PBLD: variants seen among roughly 807,000 people sequenced by gnomAD.
PBLD encodes the protein phenazine biosynthesis-like domain-containing protein.
In PBLD, 26 loss-of-function variants were observed where a neutral mutation model predicts 31.3. That is an observed-to-expected ratio of 0.83 (90% CI 0.61 to 1.15). PBLD has a LOEUF of 1.15. Ranked by LOEUF, PBLD falls within the 50% of genes most tolerant of loss-of-function variation. The probability of loss-of-function intolerance (pLI) is 0.00; values close to 1 mark genes in which losing one functional copy is unlikely to be tolerated. For synonymous variants in PBLD, 114 were observed against 129.0 expected (o/e 0.88, Z 0.79); for missense variants, 307 against 351.7 (o/e 0.87, Z 1.02).
At chr10:68,306,489 GGCTAAAAGGGAGCTCTA>G (rs1157286266) in intron 2 of PBLD, among the ~76,000 whole-genome samples, 2 of 152,162 alleles carry the variant, frequency 1.3e-5, no homozygotes, top group Admixed American at 1.3e-4. Context: ...AAAACCTGAT[GGCTAAAAGGGAGCTCTA>G]GCTCTTCTTT....
rs552369932 is a variant in PBLD at position 68,284,390 on chromosome 10, A to C, written c.755-101T>G. The C allele has an allele frequency of 7.1e-6, 7 of 981,370 alleles. No individual in the cohort carries two copies. The South Asian group carries it at 1.1e-4, about 15-fold the overall frequency. 60.8% of individuals were successfully genotyped at this position (981,370 alleles called of 1,614,324 possible). ...ACAAATCTTAGAGTCCTCCCAGATCAGTTTCAAGAATAAATTCCTTCGTCT... is the reference window on the plus strand; with the variant it reads ...ACAAATCTTAGAGTCCTCCCAGATCCGTTTCAAGAATAAATTCCTTCGTCT... On this transcript the variant is annotated intron_variant, in intron 9 of 9. Transcript: ENST00000358769.
intron 1 of PBLD, among the ~76,000 whole-genome samples, chr10:68,312,591 A>G (rs1285194573): frequency 9.6e-6 from 1 of 103,960 alleles, no homozygotes; most frequent in Non-Finnish European, 2.1e-5. Context: ...TCTTTTTGTT[A>G]TTGAGTTTCT....
intron 2 of PBLD, among the ~76,000 whole-genome samples, chr10:68,304,148 C>T (rs780926472): frequency 2.6e-5 from 4 of 152,218 alleles, no homozygotes; most frequent in Non-Finnish European, 4.4e-5. Context: ...TCTCCACCAT[C>T]TCAGGACAAT....
At chr10:68,318,399 A>AAAAAAC in intron 1 of PBLD, among the ~76,000 whole-genome samples, 1 of 148,964 alleles carries the variant, frequency 6.7e-6, no homozygotes, top group Non-Finnish European at 1.5e-5. Flanking sequence ...AAAAAAAAAA[A>AAAAAAC]AGCCAGGGAT....
chr10:68,294,466 T>C (rs2044398777), intron 4 of PBLD, among the ~76,000 whole-genome samples: 1 of 152,234 alleles, frequency 6.6e-6, no homozygotes, highest in Non-Finnish European at 1.5e-5. Context: ...CCCAGAGTGC[T>C]AGTGGCCAAC....
At chr10:68,289,418 T>A (rs2134427559) in intron 6 of PBLD, among the ~76,000 whole-genome samples, 1 of 151,906 alleles carries the variant, frequency 6.6e-6, no homozygotes, top group South Asian at 2.1e-4. Context: ...TCTCAGCTAC[T>A]CGGGAGGCTG....
intron 6 of PBLD, among the ~76,000 whole-genome samples, chr10:68,289,663 TCACACACACACA>T (rs1183126379): frequency 7.3e-6 from 1 of 136,400 alleles, no homozygotes; most frequent in Admixed American, 7.4e-5. Flanking sequence ...AGGCCAAAGA[TCACACACACACA>T]CACACACACA....
chr10:68,309,853 A>G (rs1168691675), intron 1 of PBLD, among the ~76,000 whole-genome samples: 1 of 148,996 alleles, frequency 6.7e-6, no homozygotes, highest in Non-Finnish European at 1.5e-5. Context: ...ATAAATATGT[A>G]GGCCAGGCAC....
At chr10:68,331,491 G>C (rs891737605) in intron 1 of PBLD, 2 of 152,350 alleles carry the variant, frequency 1.3e-5, no homozygotes, top group African/African-American at 4.8e-5. Context: ...CAGCAACTCT[G>C]GGCCAGGGGA....
rs147021574 is a variant in PBLD at position 68,318,121 on chromosome 10, G to A, written c.-59-11218C>T. The stretch of plus-strand genomic sequence containing the variant: ...AGGCACTTGTAGTCCCAGCTACTTG[G>A]GAGGCTGAGCCAGGAGAATGGTGAG... On this transcript the variant is annotated intron_variant, in intron 1 of 9. Coordinates refer to ENST00000358769, the MANE Select transcript of PBLD (RefSeq NM_022129.4). 2.8e-3 allele frequency among the ~76,000 whole-genome samples: 424 copies of A among 151,562 alleles called. 3 individuals are homozygous for A. The highest frequency in any genetic ancestry group is 9.8e-3 in the African/African-American group (405 of 41,330).
chr10:68,331,837 A>C (rs1401745200), intron 1 of PBLD: 3 of 152,418 alleles, frequency 2.0e-5, no homozygotes, highest in Non-Finnish European at 2.9e-5. Flanking sequence ...GATGGTTCTA[A>C]CGTAAGCAAG....
intron 1 of PBLD, among the ~76,000 whole-genome samples, chr10:68,311,533 C>T (rs182304759): frequency 0.024 from 3,579 of 151,728 alleles, 145 homozygotes; most frequent in African/African-American, 0.082. Flanking sequence ...TTGCAGTGAG[C>T]GGAGATCGCG....
chr10:68,306,652 C>T (rs985439627), intron 2 of PBLD, 109 bp downstream of exon 2: 2 of 1,018,268 alleles, frequency 2.0e-6, no homozygotes, highest in African/African-American at 1.6e-5. Flanking sequence ...TGGCAAAGAA[C>T]ACAAACCAAA....
At chr10:68,323,852 CA>C (rs1398751367) in intron 1 of PBLD, among the ~76,000 whole-genome samples, 1 of 152,106 alleles carries the variant, frequency 6.6e-6, no homozygotes, top group Non-Finnish European at 1.5e-5. Flanking sequence ...GATTCCACAG[CA>C]AATTTACTTA....
At chr10:68,312,746 A>G (rs1036593406) in intron 1 of PBLD, among the ~76,000 whole-genome samples, 5 of 122,652 alleles carry the variant, frequency 4.1e-5, no homozygotes, top group Admixed American at 9.2e-5. Flanking sequence ...AGTAGCTGGT[A>G]CTACAGGCGC....
chr10:68,305,404 C>T (rs565520495), intron 2 of PBLD, among the ~76,000 whole-genome samples: 10 of 151,722 alleles, frequency 6.6e-5, no homozygotes, highest in African/African-American at 1.5e-4. Context: ...AGAGCCACCA[C>T]ACCCAGCCCA....
chr10:68,325,178 A>C, intron 1 of PBLD, among the ~76,000 whole-genome samples: 1 of 152,124 alleles, frequency 6.6e-6, no homozygotes, highest in East Asian at 1.9e-4. Flanking sequence ...CGGGAGGCGG[A>C]AGTTGCAGTG....
At chr10:68,311,540 C>A (rs996166156) in intron 1 of PBLD, among the ~76,000 whole-genome samples, 1 of 151,650 alleles carries the variant, frequency 6.6e-6, no homozygotes, top group Non-Finnish European at 1.5e-5. Flanking sequence ...GAGCGGAGAT[C>A]GCGCCACTGC....
chr10:68,296,803 A>G, intron 3 of PBLD, 83 bp downstream of exon 3: 1 of 1,191,750 alleles, frequency 8.4e-7, no homozygotes, highest in East Asian at 2.3e-5. Flanking sequence ...CAGGAGGCGG[A>G]GGTTGCAGTG....
Sources: gnomAD v4.1 joint callset for allele counts (sites outside exome capture counted in the v4.1 genomes callset) on GRCh38, gnomAD v4.1.1 for gene constraint, MANE v1.5 for transcripts, NCBI Gene and HGNC (gene_info 2026-07-23, HGNC 2026-07-21) for gene names.